The following GLIS3 variants were observed in gnomAD, a reference collection of about 807,000 sequenced individuals.
The protein encoded by GLIS3 is GLIS family zinc finger 3.
Under a neutral mutation model 78.6 loss-of-function variants are expected in GLIS3, and 53 were observed. That is an observed-to-expected ratio of 0.67 (90% CI 0.54 to 0.85). GLIS3 has a LOEUF of 0.85. Ranked by LOEUF, GLIS3 falls within the 40% of genes least tolerant of loss-of-function variation. The pLI is 0.00. For missense variants in GLIS3, 1,703 were observed against 1,231.1 expected, an observed-to-expected ratio of 1.38 and a Z score of -5.74; for synonymous variants, 684 against 509.9, an observed-to-expected ratio of 1.34 and a Z score of -4.60.
At chr9:4,348,098 T>C (rs1055634454) in intron 1 of GLIS3, 1 of 152,236 alleles carries the variant, frequency 6.6e-6, no homozygotes, top group Non-Finnish European at 1.5e-5. Context: ...ACAGAGATCT[T>C]TGAATAAGTA....
intron 4 of GLIS3, among the ~76,000 whole-genome samples, chr9:3,990,986 A>C (rs914663617): frequency 2.0e-5 from 3 of 152,188 alleles, no homozygotes; most frequent in African/African-American, 7.2e-5. Flanking sequence ...GCCAGGAATC[A>C]GATTGATGTT....
At chr9:4,368,584 C>G in the GLIS3 span, among the ~76,000 whole-genome samples, 2 of 152,192 alleles carry the variant, frequency 1.3e-5, no homozygotes, top group Non-Finnish European at 2.9e-5. Context: ...ATCTCCTGAC[C>G]TCGTGATCCA....
chr9:3,922,799 T>A (rs1424494991), intron 6 of GLIS3, among the ~76,000 whole-genome samples: 2 of 152,118 alleles, frequency 1.3e-5, no homozygotes, highest in Admixed American at 6.6e-5. Context: ...ATATCTCAAA[T>A]TTCAGTAAGG....
intron 4 of GLIS3, among the ~76,000 whole-genome samples, chr9:4,103,622 G>C (rs536376102): frequency 2.6e-5 from 4 of 152,154 alleles, no homozygotes; most frequent in Non-Finnish European, 5.9e-5. Context: ...CCTCATGGTA[G>C]AACTAACACA....
Position 4,309,982 on chromosome 9 carries a change from A to G in GLIS3, n.392+419T>C, listed in dbSNP as rs906585882. On this transcript the variant is annotated intron_variant and non_coding_transcript_variant, in intron 3 of 4. Coordinates refer to the GLIS3 transcript ENST00000471664. The stretch of plus-strand genomic sequence containing the variant: ...AAACCAAATAAGACATGGTCCCTGA[A>G]TCACTGTCTGAACGCAAACAGCATT... 2.6e-5 allele frequency among the ~76,000 whole-genome samples: 4 copies of G among 152,356 alleles called. No individual in the cohort carries two copies. In the East Asian group the frequency reaches 5.8e-4, roughly 22 times the overall value.
intron 7 of GLIS3, among the ~76,000 whole-genome samples, chr9:3,888,636 A>G (rs1822233333): frequency 6.6e-6 from 1 of 152,190 alleles, no homozygotes; most frequent in African/African-American, 2.4e-5. Flanking sequence ...GCGAAACTGC[A>G]TCGACAATGA....
chr9:4,127,578 A>G (rs775901385), intron 2 of GLIS3, among the ~76,000 whole-genome samples: 26 of 152,174 alleles, frequency 1.7e-4, no homozygotes, highest in Non-Finnish European at 3.1e-4. Context: ...CATAAATTCA[A>G]TATCTTTAAA....
At chr9:4,069,606 T>C (rs1173553208) in intron 4 of GLIS3, among the ~76,000 whole-genome samples, 1 of 152,146 alleles carries the variant, frequency 6.6e-6, no homozygotes, top group Non-Finnish European at 1.5e-5. Context: ...CGTAAAACAG[T>C]TTCTTTTTTT....
At chr9:4,316,375 G>T (rs972143220) in intron 2 of GLIS3, among the ~76,000 whole-genome samples, 7 of 152,246 alleles carry the variant, frequency 4.6e-5, no homozygotes, top group African/African-American at 1.2e-4. Flanking sequence ...TGACTTTATT[G>T]CAAGTCAACA....
chr9:4,199,712 G>A (rs1254830362), intron 2 of GLIS3, among the ~76,000 whole-genome samples: 2 of 151,798 alleles, frequency 1.3e-5, no homozygotes, highest in African/African-American at 2.4e-5. Flanking sequence ...TAATAGTGGG[G>A]GACTTCAACA....
At chr9:4,117,670 C>G in intron 4 of GLIS3, 98 bp downstream of exon 4, 2 of 1,342,290 alleles carry the variant, frequency 1.5e-6, no homozygotes, top group Non-Finnish European at 2.1e-6. Flanking sequence ...TAGACCCCCA[C>G]GCATGCAAAC....
At chr9:4,300,764 G>C (rs1219302474), upstream of GLIS3, among the ~76,000 whole-genome samples, 13 of 151,778 alleles carry the variant, frequency 8.6e-5, no homozygotes, top group Admixed American at 7.9e-4. Context: ...GCCCTCAAAA[G>C]GTTGTTACAA....
chr9:3,962,081 G>A (rs1339876226), intron 4 of GLIS3, among the ~76,000 whole-genome samples: 3 of 152,006 alleles, frequency 2.0e-5, no homozygotes, highest in African/African-American at 4.8e-5. Flanking sequence ...TTAGTCAAGT[G>A]TGGTGGTGCA....
chr9:4,011,181 C>T (rs1385628612), intron 4 of GLIS3, among the ~76,000 whole-genome samples: 1 of 152,098 alleles, frequency 6.6e-6, no homozygotes, highest in Non-Finnish European at 1.5e-5. Context: ...ATAGGAAGCG[C>T]TACAGCAGAT....
intron 4 of GLIS3, among the ~76,000 whole-genome samples, chr9:3,937,805 C>T (rs1182534454): frequency 2.0e-5 from 3 of 152,212 alleles, no homozygotes; most frequent in East Asian, 3.9e-4. Context: ...TTTTAACAGG[C>T]TCTTACAAAG....
At chr9:4,442,778 G>T in the GLIS3 span, among the ~76,000 whole-genome samples, 1 of 151,894 alleles carries the variant, frequency 6.6e-6, no homozygotes, top group South Asian at 2.1e-4. Flanking sequence ...TAAAATGAAG[G>T]CTTATTTTAA....
intron 2 of GLIS3, among the ~76,000 whole-genome samples, chr9:4,312,143 T>C (rs925915026): frequency 4.7e-5 from 7 of 150,090 alleles, no homozygotes; most frequent in African/African-American, 1.5e-4. Context: ...AAATAAAAGT[T>C]TTTGTTTTTG....
At chr9:4,125,694 T>C in intron 3 of GLIS3, 40 bp downstream of exon 3, 5 of 1,435,252 alleles carry the variant, frequency 3.5e-6, no homozygotes, top group African/African-American at 1.4e-5. Context: ...GGGGTGTGTT[T>C]ATACCATAAA....
the GLIS3 span, among the ~76,000 whole-genome samples, chr9:4,408,670 T>C: frequency 8.1e-6 from 1 of 123,466 alleles, no homozygotes; most frequent in Non-Finnish European, 1.6e-5. Flanking sequence ...GAGCTTGCAG[T>C]GAGCCGAGAT....
Sources: gnomAD v4.1 joint callset for allele counts (sites outside exome capture counted in the v4.1 genomes callset) on GRCh38, gnomAD v4.1.1 for gene constraint, MANE v1.5 for transcripts, NCBI Gene and HGNC (gene_info 2026-07-23, HGNC 2026-07-21) for gene names.